The following THNSL1 variants were observed in gnomAD, a reference collection of about 807,000 sequenced individuals.
THNSL1 encodes the protein threonine synthase like 1.
A neutral mutation model predicts 50.4 loss-of-function variants in THNSL1; 48 were observed. The observed-to-expected ratio is 0.95, with a 90% CI of 0.76 to 1.21. THNSL1 has a LOEUF of 1.21. THNSL1 is among the 50% of genes most tolerant of loss of function. The pLI is 0.00. For missense variants in THNSL1, 896 were observed against 871.7 expected (o/e 1.03, Z -0.35); for synonymous variants, 309 against 306.1 (o/e 1.01, Z -0.10).
chr10:24,984,963 G>T, the THNSL1 span: 5,004 of 1,318,088 alleles, frequency 3.8e-3, 165 homozygotes, highest in African/African-American at 0.066. Context: ...TAAAGGAAAT[G>T]GGAAAAGCTA....
rs1850779193 is a variant in THNSL1 at position 25,023,925 on chromosome 10, A to C, written c.702A>C (p.Thr234=). Reference sequence around the variant, plus strand: ...TGGACTCGGAAACATTCATTTCAACAAGACACGTTTGGCCTGAAGACTGTG... The same window carrying C: ...TGGACTCGGAAACATTCATTTCAACCAGACACGTTTGGCCTGAAGACTGTG... ...QDVDSETFIS[T]RHVWPEDCEQ... Residue 234 remains threonine (T), a synonymous_variant, in exon 3 of 3, where the codon ACA becomes ACC. Transcript: ENST00000376356. 6.2e-7 allele frequency: 1 copy of C among 1,614,054 alleles called. No homozygotes were observed.
Position 25,024,402 on chromosome 10 carries a change from A to G in THNSL1, c.1179A>G (p.Leu393=). ...GSAVLNGFSR[L]NKNDKQRIAV... ...CAGTCTTAAATGGTTTTAGTCGTCT[A>G]AATAAGAATGATAAGCAAAGGATAG... The change falls in exon 3 of 3, where the codon CTA becomes CTG. Residue 393 remains leucine (L), a synonymous_variant. Coordinates refer to ENST00000376356, the MANE Select transcript of THNSL1 (RefSeq NM_024838.5). 1.2e-6 allele frequency: 2 copies of G among 1,613,920 alleles called. No individual in the cohort carries two copies. Among genetic ancestry groups the G allele is most frequent in the Non-Finnish European group, 1.7e-6 (2 of 1,180,024 alleles).
chr10:25,021,268 T>C (rs1423170237), intron 1 of THNSL1, among the ~76,000 whole-genome samples: 1 of 152,258 alleles, frequency 6.6e-6, no homozygotes, highest in East Asian at 1.9e-4. Context: ...CTTATATAGC[T>C]AAGAGGTATC....
At chr10:25,013,870 A>G (rs576963570), upstream of THNSL1, among the ~76,000 whole-genome samples, 9 of 152,106 alleles carry the variant, frequency 5.9e-5, no homozygotes, top group Admixed American at 2.0e-4. Flanking sequence ...TGAACCCAGG[A>G]GGCAGAAGCT....
the THNSL1 span, among the ~76,000 whole-genome samples, chr10:24,966,607 A>G: frequency 6.6e-6 from 1 of 152,364 alleles, no homozygotes; most frequent in Non-Finnish European, 1.5e-5. Context: ...AACGGATGGA[A>G]TATGGTACAA....
chr10:24,984,549 AAAC>A, the THNSL1 span: 1 of 1,096,152 alleles, frequency 9.1e-7, no homozygotes, highest in Non-Finnish European at 1.3e-6. Flanking sequence ...ACACTAGTAA[AAAC>A]AAAATTTCTT....
chr10:24,969,151 G>C, the THNSL1 span, among the ~76,000 whole-genome samples: 1 of 152,158 alleles, frequency 6.6e-6, no homozygotes, highest in Non-Finnish European at 1.5e-5. Flanking sequence ...GCCGCGGCCT[G>C]TCGAAGTGCT....
At chr10:24,974,142 A>G in the THNSL1 span, among the ~76,000 whole-genome samples, 6 of 152,208 alleles carry the variant, frequency 3.9e-5, no homozygotes, top group African/African-American at 1.4e-4. Context: ...CAGAAGTTCA[A>G]TGAGATGAGA....
chr10:24,952,501 G>A, the THNSL1 span: 3 of 1,573,278 alleles, frequency 1.9e-6, no homozygotes, highest in African/African-American at 2.7e-5. This position sits in a 1 kb window ranked among gnomAD's most constrained non-coding sequence, Gnocchi z 5.1. Flanking sequence ...AGCGGGCCGA[G>A]CCCCAAAATA....
chr10:25,019,976 G>A (rs1053588652), intron 1 of THNSL1, among the ~76,000 whole-genome samples: 5 of 152,176 alleles, frequency 3.3e-5, no homozygotes, highest in African/African-American at 1.2e-4. Context: ...GGCCATTGCA[G>A]CAGACGTTCT....
At chr10:24,991,328 A>G in the THNSL1 span, among the ~76,000 whole-genome samples, 8 of 152,016 alleles carry the variant, frequency 5.3e-5, no homozygotes, top group Non-Finnish European at 1.5e-5. Context: ...AATATTTTGA[A>G]GTCTCTTTTT....
At chr10:24,968,640 C>T in the THNSL1 span, among the ~76,000 whole-genome samples, 4 of 152,212 alleles carry the variant, frequency 2.6e-5, no homozygotes, top group African/African-American at 9.6e-5. Flanking sequence ...TGCGGCCTTT[C>T]TATCCTTAGC....
At chr10:24,964,211 T>A in the THNSL1 span, among the ~76,000 whole-genome samples, 3 of 152,190 alleles carry the variant, frequency 2.0e-5, no homozygotes, top group Admixed American at 2.0e-4. Flanking sequence ...CCCAAACTCA[T>A]CCCCTGCTAT....
At chr10:25,012,458 G>C (rs913355623), upstream of THNSL1, among the ~76,000 whole-genome samples, 2 of 152,216 alleles carry the variant, frequency 1.3e-5, no homozygotes, top group Admixed American at 6.5e-5. Flanking sequence ...AATGGGGGCT[G>C]TACTGTGCCA....
Position 25,023,365 on chromosome 10 carries a change from T to A in THNSL1, c.142T>A (p.Ser48Thr). ...TGCGGAATTGAGGAAGTCATGGTAT[T>A]CAACCCACTCTCTTGTTGGAGACAA... ...ALAELRKSWY[S>T]THSLVGDKNI... The change falls in exon 3 of 3, where the codon TCA (serine) becomes ACA (threonine). Residue 48 changes from serine to threonine, a missense_variant. Ser to Thr is a moderately conservative substitution (Grantham distance 58). Coordinates refer to ENST00000376356, the MANE Select transcript of THNSL1 (RefSeq NM_024838.5). 6.2e-7 allele frequency: 1 copy of A among 1,614,174 alleles called. No homozygotes were observed. The highest frequency in any genetic ancestry group is 8.5e-7 in the Non-Finnish European group (1 of 1,179,998).
At chr10:25,005,765 G>A in the THNSL1 span, among the ~76,000 whole-genome samples, 1 of 152,304 alleles carries the variant, frequency 6.6e-6, no homozygotes, top group East Asian at 1.9e-4. Flanking sequence ...GTCTGTCATA[G>A]CTCTGATCTG....
At position 25,023,895 on chromosome 10, in the gene THNSL1, A is replaced by G; in HGVS notation, c.672A>G (p.Gln224=). 1 of 1,614,206 alleles carries G rather than the reference A, an allele frequency of 6.2e-7. No individual in the cohort carries two copies. The highest frequency in any genetic ancestry group is 1.3e-5 in the African/African-American group (1 of 75,078). ...DKVLNAIKRY[Q]DVDSETFIST... is the part of the protein sequence containing the mutation. ...TGCTGAATGCAATTAAAAGATACCA[A>G]GATGTGGACTCGGAAACATTCATTT... Residue 224 remains glutamine (Q), a synonymous_variant, in exon 3 of 3, where the codon CAA becomes CAG. Transcript: ENST00000376356.
chr10:24,977,536 T>C, the THNSL1 span, among the ~76,000 whole-genome samples: 3 of 152,182 alleles, frequency 2.0e-5, no homozygotes, highest in African/African-American at 4.8e-5. Flanking sequence ...ACAATTTAGA[T>C]GTCCATCAAT....
chr10:24,959,983 T>G, the THNSL1 span, among the ~76,000 whole-genome samples: 2 of 152,218 alleles, frequency 1.3e-5, no homozygotes, highest in African/African-American at 4.8e-5. Context: ...CAGATTGACA[T>G]GCAACTTGGT....
Sources: gnomAD v4.1 joint callset for allele counts (sites outside exome capture counted in the v4.1 genomes callset) on GRCh38, gnomAD v4.1.1 for gene constraint, Gnocchi (gnomAD v3.1) non-coding constraint, MANE v1.5 for transcripts, NCBI Gene and HGNC (gene_info 2026-07-23, HGNC 2026-07-21) for gene names.